ADAMTS12: variants seen among roughly 807,000 people sequenced by gnomAD.
ADAMTS12 encodes A disintegrin and metalloproteinase with thrombospondin motifs 12.
A neutral mutation model predicts 167.8 loss-of-function variants in ADAMTS12; 118 were observed. That is an observed-to-expected ratio of 0.70 (90% CI 0.61 to 0.82). ADAMTS12 has a LOEUF of 0.82. ADAMTS12 is among the 40% of genes least tolerant of loss of function. ADAMTS12 has a pLI of 0.00. For synonymous variants in ADAMTS12, 704 were observed against 716.9 expected (o/e 0.98, Z 0.29); for missense variants, 1,916 against 1,998.8 (o/e 0.96, Z 0.79).
chr5:33,693,989 C>T (rs1170622529), intron 3 of ADAMTS12, among the ~76,000 whole-genome samples: 2 of 152,086 alleles, frequency 1.3e-5, no homozygotes, highest in Non-Finnish European at 1.5e-5. Flanking sequence ...GTACAAAGTT[C>T]AGCATTTCTA....
At chr5:33,634,797 G>T (rs879416240) in intron 12 of ADAMTS12, among the ~76,000 whole-genome samples, 1 of 151,968 alleles carries the variant, frequency 6.6e-6, no homozygotes, top group East Asian at 1.9e-4. Flanking sequence ...AACAAAAGTA[G>T]AAATAATTTT....
At chr5:33,738,645 T>C (rs1744450342) in intron 3 of ADAMTS12, among the ~76,000 whole-genome samples, 1 of 152,254 alleles carries the variant, frequency 6.6e-6, no homozygotes, top group Admixed American at 6.5e-5. Context: ...GCCTGTCTTC[T>C]GCACATCAAC....
intron 7 of ADAMTS12, among the ~76,000 whole-genome samples, chr5:33,654,492 C>T (rs1740972832): frequency 6.6e-6 from 1 of 152,120 alleles, no homozygotes; most frequent in South Asian, 2.1e-4. Flanking sequence ...CTATAGGTAC[C>T]TGAGTTGTCA....
intron 3 of ADAMTS12, among the ~76,000 whole-genome samples, chr5:33,713,301 C>T (rs1743473321): frequency 6.6e-6 from 1 of 152,114 alleles, no homozygotes; most frequent in Non-Finnish European, 1.5e-5. Flanking sequence ...TAGCTCACTG[C>T]TGTGGAAATC....
intron 2 of ADAMTS12, among the ~76,000 whole-genome samples, chr5:33,757,918 G>A (rs901480843): frequency 1.3e-5 from 2 of 152,108 alleles, no homozygotes; most frequent in African/African-American, 2.4e-5. Flanking sequence ...ATCGTCTACC[G>A]CAAACACAGT....
At chr5:33,858,568 G>C (rs75332059) in intron 2 of ADAMTS12, among the ~76,000 whole-genome samples, 1 of 151,440 alleles carries the variant, frequency 6.6e-6, no homozygotes, top group African/African-American at 2.4e-5. Context: ...TGAGGTGGGA[G>C]GATTGCTTGA....
intron 14 of ADAMTS12, among the ~76,000 whole-genome samples, chr5:33,617,817 T>C (rs1182782309): frequency 6.6e-6 from 1 of 151,628 alleles, no homozygotes; most frequent in Non-Finnish European, 1.5e-5. Context: ...TAAATAACAG[T>C]GTTTGCTTTT....
At chr5:33,716,921 G>T (rs1743636562) in intron 3 of ADAMTS12, among the ~76,000 whole-genome samples, 1 of 151,994 alleles carries the variant, frequency 6.6e-6, no homozygotes, top group South Asian at 2.1e-4. Context: ...TTGTCTAATA[G>T]GACTAAATCC....
intron 2 of ADAMTS12, among the ~76,000 whole-genome samples, chr5:33,758,378 G>A (rs1470557406): frequency 6.6e-6 from 1 of 152,098 alleles, no homozygotes; most frequent in African/African-American, 2.4e-5. Context: ...TAGGCTGCAA[G>A]AAGGGGCCAC....
chr5:33,836,802 A>G (rs1160342267), intron 2 of ADAMTS12, among the ~76,000 whole-genome samples: 3 of 152,188 alleles, frequency 2.0e-5, no homozygotes, highest in Non-Finnish European at 2.9e-5. Flanking sequence ...GCTGGGAAAG[A>G]GCACGGAGCA....
At chr5:33,707,523 G>A (rs1743245109) in intron 3 of ADAMTS12, among the ~76,000 whole-genome samples, 1 of 152,132 alleles carries the variant, frequency 6.6e-6, no homozygotes, top group African/African-American at 2.4e-5. Flanking sequence ...GAACAAAGCT[G>A]GAGGCATCAT....
At position 33,683,958 on chromosome 5, in the gene ADAMTS12, C is replaced by T. The variant is rs1420732341; in HGVS notation, c.732G>A (p.Lys244=). The T allele has an allele frequency of 6.2e-7, 1 of 1,612,908 alleles. No individual in the cohort carries two copies. Among genetic ancestry groups the T allele is most frequent in the Admixed American group, 1.7e-5 (1 of 59,880 alleles). The change falls in exon 4 of 24, where the codon AAG becomes AAA. Residue 244 remains lysine (K), a synonymous_variant. Transcript: ENST00000504830. The part of the protein sequence containing the change: ...SRSLSRRSIS[K]ERWVETLVVA... Reference sequence around the variant, plus strand: ...CCACCAGTGTCTCCACCCATCTCTCCTTGCTGATGGAACGCCGAGAGAGGC... The same window carrying T: ...CCACCAGTGTCTCCACCCATCTCTCTTTGCTGATGGAACGCCGAGAGAGGC...
intron 9 of ADAMTS12, among the ~76,000 whole-genome samples, chr5:33,648,289 T>C (rs760467670): frequency 1.8e-4 from 28 of 152,202 alleles, no homozygotes; most frequent in South Asian, 6.2e-4. Context: ...ATAATTACGA[T>C]AGCAAGGAAA....
chr5:33,740,017 G>A (rs932372574), intron 3 of ADAMTS12, among the ~76,000 whole-genome samples: 1 of 152,196 alleles, frequency 6.6e-6, no homozygotes, highest in Non-Finnish European at 1.5e-5. Flanking sequence ...GAAACAGAAA[G>A]ACTCATAACT....
intron 2 of ADAMTS12, among the ~76,000 whole-genome samples, chr5:33,871,153 A>G (rs1750024325): frequency 6.6e-6 from 1 of 152,224 alleles, no homozygotes; most frequent in South Asian, 2.1e-4. Flanking sequence ...AAAATGAAAT[A>G]GAAAATTTGA....
intron 20 of ADAMTS12, among the ~76,000 whole-genome samples, chr5:33,557,179 G>T (rs1745523221): frequency 6.6e-6 from 1 of 152,202 alleles, no homozygotes; most frequent in Non-Finnish European, 1.5e-5. Flanking sequence ...GGGTTCAGGT[G>T]AGGCTGCAAC....
intron 2 of ADAMTS12, among the ~76,000 whole-genome samples, chr5:33,816,038 A>G (rs1747639223): frequency 6.6e-6 from 1 of 152,152 alleles, no homozygotes; most frequent in African/African-American, 2.4e-5. Context: ...ATGAGCACCC[A>G]GGTCTGGTCC....
At chr5:33,703,504 A>G (rs1003585935) in intron 3 of ADAMTS12, among the ~76,000 whole-genome samples, 3 of 152,156 alleles carry the variant, frequency 2.0e-5, no homozygotes, top group South Asian at 4.2e-4. Context: ...TCCAGATCTT[A>G]TTTATTTTGC....
intron 5 of ADAMTS12, 45 bp from the exon 6 acceptor site, chr5:33,662,085 G>T: frequency 6.3e-7 from 1 of 1,595,098 alleles, no homozygotes; most frequent in South Asian, 1.1e-5. Flanking sequence ...AGCTCACTGT[G>T]GTCAGGGACC....
Sources: gnomAD v4.1 joint callset for allele counts (sites outside exome capture counted in the v4.1 genomes callset) on GRCh38, gnomAD v4.1.1 for gene constraint, MANE v1.5 for transcripts, NCBI Gene and HGNC (gene_info 2026-07-23, HGNC 2026-07-21) for gene names.